The following CMIP variants were observed in gnomAD, a reference collection of about 807,000 sequenced individuals.
The protein encoded by CMIP is c-Maf inducing protein.
Under a neutral mutation model 97.3 loss-of-function variants are expected in CMIP, and 13 were observed. That is an observed-to-expected ratio of 0.13 (90% CI 0.09 to 0.21). The LOEUF is 0.21. Ranked by LOEUF, CMIP falls within the 10% of genes least tolerant of loss-of-function variation. CMIP has a pLI of 1.00. For missense variants in CMIP, 847 were observed against 1,024.9 expected, an observed-to-expected ratio of 0.83 and a Z score of 2.37; for synonymous variants, 538 against 436.3, an observed-to-expected ratio of 1.23 and a Z score of -2.91.
intron 1 of CMIP, among the ~76,000 whole-genome samples, chr16:81,451,399 AC>A (rs1169404226): frequency 6.6e-6 from 1 of 151,920 alleles, no homozygotes; most frequent in Admixed American, 6.6e-5. Flanking sequence ...AGTCCATTAA[AC>A]CTCTGTCTTT....
chr16:81,679,485 C>A (rs1904647416), intron 10 of CMIP, among the ~76,000 whole-genome samples: 1 of 152,026 alleles, frequency 6.6e-6, no homozygotes, highest in South Asian at 2.1e-4. Flanking sequence ...GTGTGAGTAT[C>A]TGTGCATATG....
At chr16:81,597,189 T>G (rs1249966286) in intron 1 of CMIP, among the ~76,000 whole-genome samples, 1 of 152,200 alleles carries the variant, frequency 6.6e-6, no homozygotes, top group Non-Finnish European at 1.5e-5. Context: ...GGACTCATGT[T>G]CAGCTTCAGC....
chr16:81,508,708 A>G (rs1000454467), intron 1 of CMIP, among the ~76,000 whole-genome samples: 4 of 152,248 alleles, frequency 2.6e-5, no homozygotes, highest in African/African-American at 9.6e-5. Flanking sequence ...ACTCTCCATC[A>G]GTCTGAGAGG....
chr16:81,682,235 A>T (rs957948891), intron 10 of CMIP, among the ~76,000 whole-genome samples: 1 of 151,694 alleles, frequency 6.6e-6, no homozygotes, highest in African/African-American at 2.4e-5. Flanking sequence ...AGTTATCAGT[A>T]TTGAAGTGCT....
At chr16:81,631,832 A>C (rs1385890737) in intron 3 of CMIP, 1 of 152,202 alleles carries the variant, frequency 6.6e-6, no homozygotes, top group Non-Finnish European at 1.5e-5. Flanking sequence ...TATGCCTGGG[A>C]GCTGAATTAT....
At chr16:81,680,378 G>T (rs368341106) in intron 10 of CMIP, among the ~76,000 whole-genome samples, 2 of 152,226 alleles carry the variant, frequency 1.3e-5, no homozygotes, top group East Asian at 1.9e-4. Flanking sequence ...TGCCCCCTGT[G>T]CTCTGCTAGC....
chr16:81,573,217 A>G (rs1443721161), intron 1 of CMIP, among the ~76,000 whole-genome samples: 1 of 152,084 alleles, frequency 6.6e-6, no homozygotes, highest in Non-Finnish European at 1.5e-5. Flanking sequence ...GGTGGCGGGC[A>G]CCTGTAATAC....
intron 11 of CMIP, among the ~76,000 whole-genome samples, chr16:81,692,598 G>GC (rs1470469316): frequency 6.6e-6 from 1 of 152,200 alleles, no homozygotes; most frequent in African/African-American, 2.4e-5. Flanking sequence ...CGCAGTAATT[G>GC]CCCCATGTGC....
chr16:81,562,358 A>AG (rs2150874522), intron 1 of CMIP, among the ~76,000 whole-genome samples: 1 of 152,348 alleles, frequency 6.6e-6, no homozygotes, highest in Admixed American at 6.5e-5. Flanking sequence ...AGTCCTGACA[A>AG]GGGGGCCCTG....
chr16:81,511,318 G>A (rs574271880), intron 1 of CMIP, among the ~76,000 whole-genome samples: 30 of 152,268 alleles, frequency 2.0e-4, no homozygotes, highest in African/African-American at 7.2e-4. Context: ...GATATCAAAT[G>A]TCCAATGTTC....
intron 2 of CMIP, among the ~76,000 whole-genome samples, chr16:81,615,922 G>A (rs1164973323): frequency 6.6e-6 from 1 of 152,126 alleles, no homozygotes; most frequent in Non-Finnish European, 1.5e-5. Context: ...AAACATGGCT[G>A]AAGCCTCTGC....
chr16:81,493,195 G>A (rs1047671499), intron 1 of CMIP, among the ~76,000 whole-genome samples: 2 of 152,154 alleles, frequency 1.3e-5, no homozygotes, highest in African/African-American at 4.8e-5. Flanking sequence ...CACTTCAGGG[G>A]TGATGGAGCC....
At chr16:81,626,517 G>A (rs757126572) in intron 3 of CMIP, among the ~76,000 whole-genome samples, 6 of 150,176 alleles carry the variant, frequency 4.0e-5, no homozygotes, top group Admixed American at 6.6e-5. Context: ...GAGCATGTGT[G>A]TGTGTGGTGT....
intron 1 of CMIP, among the ~76,000 whole-genome samples, chr16:81,451,722 G>C (rs1906226344): frequency 6.6e-6 from 1 of 152,132 alleles, no homozygotes; most frequent in South Asian, 2.1e-4. Flanking sequence ...GTGACCAGGG[G>C]GCTCTGACAA....
At chr16:81,572,052 C>T (rs1181719909) in intron 1 of CMIP, among the ~76,000 whole-genome samples, 1 of 152,242 alleles carries the variant, frequency 6.6e-6, no homozygotes, top group African/African-American at 2.4e-5. Flanking sequence ...ACCCTGGCAC[C>T]AGCCCAGGGT....
At chr16:81,642,090 C>G (rs1042949924) in intron 3 of CMIP, among the ~76,000 whole-genome samples, 6 of 152,232 alleles carry the variant, frequency 3.9e-5, no homozygotes, top group Non-Finnish European at 1.5e-5. Flanking sequence ...TATGGAGTGC[C>G]CTTCAGAAGC....
At chr16:81,563,714 C>T (rs191004635) in intron 1 of CMIP, among the ~76,000 whole-genome samples, 29 of 152,276 alleles carry the variant, frequency 1.9e-4, no homozygotes, top group Admixed American at 1.1e-3. Context: ...AATCTTGGGC[C>T]GTCTCTCCTA....
intron 1 of CMIP, among the ~76,000 whole-genome samples, chr16:81,449,918 C>T (rs186113222): frequency 5.9e-5 from 9 of 152,340 alleles, no homozygotes; most frequent in African/African-American, 1.2e-4. Flanking sequence ...ATGCCTGTTC[C>T]GGCCACGGCA....
intron 3 of CMIP, among the ~76,000 whole-genome samples, chr16:81,642,764 C>T (rs1313137174): frequency 6.6e-6 from 1 of 152,094 alleles, no homozygotes; most frequent in Non-Finnish European, 1.5e-5. Flanking sequence ...GGCGTGGTGG[C>T]GGGCGCCTGT....
Sources: gnomAD v4.1 joint callset for allele counts (sites outside exome capture counted in the v4.1 genomes callset) on GRCh38, gnomAD v4.1.1 for gene constraint, MANE v1.5 for transcripts, NCBI Gene and HGNC (gene_info 2026-07-23, HGNC 2026-07-21) for gene names.